ACSF3: variants seen among roughly 807,000 people sequenced by gnomAD.
The protein encoded by ACSF3 is malonate--CoA ligase ACSF3, mitochondrial.
A neutral mutation model predicts 53.2 loss-of-function variants in ACSF3; 78 were observed. The observed-to-expected ratio is 1.47, with a 90% confidence interval of 1.22 to 1.77. The LOEUF (loss-of-function observed/expected upper bound fraction) is 1.77, where lower values mean the gene tolerates loss of function less well. ACSF3 is among the 40% of genes most tolerant of loss of function. The pLI, the probability that ACSF3 is intolerant of heterozygous loss-of-function variation, is 0.00. For synonymous variants in ACSF3, 414 were observed against 333.1 expected (o/e 1.24, Z -2.65); for missense variants, 937 against 771.1 (o/e 1.22, Z -2.55).
chr16:89,116,400 G>A (rs547795530), intron 6 of ACSF3, among the ~76,000 whole-genome samples: 12 of 152,306 alleles, frequency 7.9e-5, no homozygotes, highest in East Asian at 3.9e-4. Context: ...GCCAGGCAGC[G>A]ATACGGTGCT....
Position 89,101,295 on chromosome 16 carries a change from C to A in ACSF3, c.614C>A (p.Thr205Asn), listed in dbSNP as rs755145710. The A allele has an allele frequency of 6.2e-7, 1 of 1,602,768 alleles. No individual in the cohort carries two copies. Among genetic ancestry groups the A allele is most frequent in the South Asian group, 1.1e-5 (1 of 89,688 alleles). ...KGAMIIYTSGTTGRPKGVLST... is the reference protein window; with the variant it reads ...KGAMIIYTSGNTGRPKGVLST... ...GCCATGATCATCTACACCAGTGGGACCACGGGGAGGCCCAAGGGCGTGCTG... is the reference window on the plus strand; with the variant it reads ...GCCATGATCATCTACACCAGTGGGAACACGGGGAGGCCCAAGGGCGTGCTG... The change falls in exon 3 of 11, where the codon ACC becomes AAC. Residue 205 changes from threonine (T) to asparagine (N), a missense_variant. By Grantham distance (65) the Thr-to-Asn change is moderately conservative. Transcript: ENST00000614302.
chr16:89,121,041 A>G (rs1906528569), intron 7 of ACSF3, 128 bp downstream of exon 7: 3 of 806,054 alleles, frequency 3.7e-6, no homozygotes, highest in Non-Finnish European at 6.0e-6. Flanking sequence ...CCCCCTGGAC[A>G]CTGCAGGTGC....
At chr16:89,096,291 A>C (rs1974607802) in intron 1 of ACSF3, among the ~76,000 whole-genome samples, 1 of 152,102 alleles carries the variant, frequency 6.6e-6, no homozygotes, top group African/African-American at 2.4e-5. Flanking sequence ...GTGTCCCTCC[A>C]CACTGTGCTC....
intron 6 of ACSF3, among the ~76,000 whole-genome samples, chr16:89,119,812 C>T (rs991764456): frequency 3.3e-5 from 5 of 152,236 alleles, no homozygotes; most frequent in African/African-American, 1.2e-4. Flanking sequence ...CCGACAGCCC[C>T]TCACCAAGCG....
At chr16:89,099,830 A>G (rs1015951466) in intron 2 of ACSF3, among the ~76,000 whole-genome samples, 3 of 151,672 alleles carry the variant, frequency 2.0e-5, no homozygotes, top group African/African-American at 4.9e-5. Context: ...TCCCAGATAG[A>G]TAATAAAGAG....
intron 7 of ACSF3, 80 bp downstream of exon 7, chr16:89,120,993 T>C: frequency 1.5e-6 from 2 of 1,294,530 alleles, no homozygotes; most frequent in Admixed American, 1.7e-5. Context: ...GGTGCATCTT[T>C]CCCCTGGAGG....
intron 10 of ACSF3, chr16:89,151,644 T>C (rs999480142): frequency 1.6e-5 from 3 of 193,146 alleles, no homozygotes; most frequent in African/African-American, 2.4e-5. Flanking sequence ...TCTCGCTCTG[T>C]CGCCCAGGCT....
intron 1 of ACSF3, 139 bp from the exon 2 acceptor site, chr16:89,098,452 G>A (rs1974877332): frequency 2.8e-6 from 1 of 356,166 alleles, no homozygotes; most frequent in Admixed American, 3.6e-5. Context: ...GGGAGATAAG[G>A]CTCACAGCTT....
chr16:89,143,845 T>G (rs981776899), intron 8 of ACSF3, among the ~76,000 whole-genome samples: 3 of 151,864 alleles, frequency 2.0e-5, no homozygotes, highest in Admixed American at 2.0e-4. Flanking sequence ...TTTAATAGAC[T>G]GAGGAGCACG....
rs1975223814 is a variant in ACSF3, at chr16:89,100,925, A to G, written c.244A>G (p.Ile82Val). 3 of 1,613,804 alleles carry G rather than the reference A, an allele frequency of 1.9e-6. No individual in the cohort carries two copies. Among genetic ancestry groups the G allele is most frequent in the Middle Eastern group, 1.6e-4 (1 of 6,062 alleles). Reference protein sequence around the residue: ...YSRSLRLSQEICRLCGCVGGD... With the variant: ...YSRSLRLSQEVCRLCGCVGGD... ...CCGCAGCCTTCGCCTGTCCCAGGAG[A>G]TCTGCAGGCTCTGCGGGTGTGTCGG... is the stretch of plus-strand genomic sequence containing the variant. The change falls in exon 3 of 11, where the codon ATC becomes GTC. Residue 82 changes from isoleucine to valine, a missense_variant. Transcript: ENST00000614302.
intron 6 of ACSF3, among the ~76,000 whole-genome samples, chr16:89,119,255 G>A (rs1315376011): frequency 6.6e-6 from 1 of 151,884 alleles, no homozygotes; most frequent in African/African-American, 2.4e-5. Context: ...TGCGGCCCCC[G>A]CCCCTACCCC....
At chr16:89,125,857 G>A (rs55727237) in intron 7 of ACSF3, among the ~76,000 whole-genome samples, 106,034 of 150,964 alleles carry the variant, frequency 0.7, 37,614 homozygotes, top group Middle Eastern at 0.78. Flanking sequence ...GTGTCTCTCC[G>A]TTTACTTAGA....
At chr16:89,137,141 G>C (rs1206327633) in intron 8 of ACSF3, among the ~76,000 whole-genome samples, 1 of 152,244 alleles carries the variant, frequency 6.6e-6, no homozygotes, top group African/African-American at 2.4e-5. Context: ...CGGTAGGGCA[G>C]GGCGGCATCC....
chr16:89,146,041 G>A lies in ACSF3; in HGVS notation c.1605G>A (p.Glu535=), dbSNP rs139813770. Residue 535 remains glutamate, a synonymous_variant, in exon 10 of 11, where the codon GAG becomes GAA. Coordinates refer to ENST00000614302, the MANE Select transcript of ACSF3 (RefSeq NM_001243279.3). The stretch of plus-strand genomic sequence containing the variant: ...CACTGTCCCACAGGGAGCTCAAAGA[G>A]TGGGCCAGGTAGGGCTGGGTGGGGC... ...GHSLSHRELK[E]WARNVLAPYA... is the part of the protein sequence containing the mutation. 6.2e-6 allele frequency: 10 copies of A among 1,608,228 alleles called. No homozygotes were observed. The African/African-American group carries it at 1.3e-4, about 22-fold the overall frequency.
chr16:89,103,452 TC>T (rs1975611091), intron 4 of ACSF3, among the ~76,000 whole-genome samples: 1 of 152,234 alleles, frequency 6.6e-6, no homozygotes, highest in African/African-American at 2.4e-5. Context: ...CTGCTTCACG[TC>T]CAGCTCTGCT....
intron 8 of ACSF3, among the ~76,000 whole-genome samples, chr16:89,135,234 G>A (rs1363990513): frequency 6.6e-6 from 1 of 152,250 alleles, no homozygotes; most frequent in African/African-American, 2.4e-5. Context: ...CTTCCACAGG[G>A]AGCAGAGCGG....
intron 4 of ACSF3, among the ~76,000 whole-genome samples, chr16:89,104,683 T>G (rs1567690957): frequency 6.6e-6 from 1 of 151,974 alleles, no homozygotes; most frequent in Non-Finnish European, 1.5e-5. Flanking sequence ...TGGCTGGAGG[T>G]GGAGAGAAGG....
rs1907881818 is a variant in ACSF3, at chr16:89,125,699, A to G, written c.1239+4786A>G. 2.0e-4 allele frequency among the ~76,000 whole-genome samples: 3 copies of G among 15,122 alleles called. No homozygotes were observed. In the South Asian group the frequency reaches 3.5e-3, roughly 17 times the overall value. 9.9% of individuals were successfully genotyped at this position (15,122 alleles called of 152,430 possible). ...GAGTGAGACTGCCTCAAAAAAAAAAAGAGAGAGAGAGAGAGAGAGATGTTG... is the reference window on the plus strand; with the variant it reads ...GAGTGAGACTGCCTCAAAAAAAAAAGGAGAGAGAGAGAGAGAGAGATGTTG... On this transcript the variant is annotated intron_variant, in intron 7 of 10. Transcript: ENST00000614302.
At chr16:89,098,817 T>C (rs1974925752) in intron 2 of ACSF3, 54 bp downstream of exon 2, 4 of 454,008 alleles carry the variant, frequency 8.8e-6, no homozygotes, top group Non-Finnish European at 1.3e-5. Context: ...AGTGGTTGCC[T>C]TGTTTGTTTA....
Sources: gnomAD v4.1 joint callset for allele counts (sites outside exome capture counted in the v4.1 genomes callset) on GRCh38, gnomAD v4.1.1 for gene constraint, MANE v1.5 for transcripts, NCBI Gene and HGNC (gene_info 2026-07-23, HGNC 2026-07-21) for gene names.